The following FANCB variants were observed in gnomAD, a reference collection of about 807,000 sequenced individuals.
FANCB encodes the protein FA complementation group B, also known as Fanconi anemia group B protein.
A neutral mutation model predicts 38.9 loss-of-function variants in FANCB; 5 were observed. That is an observed-to-expected ratio of 0.13 (90% CI 0.07 to 0.27). FANCB has a LOEUF of 0.27. Among genes scored for constraint, FANCB ranks in the 10% least tolerant of loss-of-function variants. FANCB has a pLI of 1.00. For synonymous variants in FANCB, 236 were observed against 215.4 expected (o/e 1.10, Z -0.84); for missense variants, 573 against 602.7 (o/e 0.95, Z 0.52).
At chrX:14,851,022 T>C (rs1196886512) in intron 6 of FANCB, among the ~76,000 whole-genome samples, 6 of 111,603 alleles carry the variant, frequency 5.4e-5, no homozygotes, top group Admixed American at 3.8e-4. Context: ...CTGTATTTTA[T>C]CAGTGACTTG....
the FANCB span, among the ~76,000 whole-genome samples, chrX:14,783,643 C>T: frequency 2.7e-4 from 30 of 111,869 alleles, 1 homozygote; most frequent in South Asian, 9.7e-3. Flanking sequence ...GGGGATATTT[C>T]TGGGAACAGA....
the FANCB span, among the ~76,000 whole-genome samples, chrX:14,697,974 T>C: frequency 1.2e-4 from 13 of 111,892 alleles, no homozygotes; most frequent in Admixed American, 1.1e-3. Flanking sequence ...CTTGCCACTA[T>C]CAAAATTGTC....
the FANCB span, among the ~76,000 whole-genome samples, chrX:14,825,611 TTAACA>T: frequency 8.9e-6 from 1 of 112,407 alleles, no homozygotes; most frequent in African/African-American, 3.2e-5. Flanking sequence ...AACATATCAT[TTAACA>T]TATTATAATT....
the FANCB span, chrX:14,730,513 T>C: frequency 7.1e-6 from 8 of 1,122,359 alleles, no homozygotes; most frequent in Non-Finnish European, 9.7e-6. Context: ...TGGGACCTTC[T>C]TGCCTCAGTG....
chrX:14,733,142 C>A, the FANCB span, among the ~76,000 whole-genome samples: 1 of 111,965 alleles, frequency 8.9e-6, no homozygotes, highest in Non-Finnish European at 1.9e-5. Context: ...TTCCCCATTT[C>A]TTGTTTTTGG....
downstream of FANCB, chrX:14,835,113 A>G: frequency 1.8e-6 from 1 of 541,987 alleles, no homozygotes; most frequent in Non-Finnish European, 3.3e-6. Flanking sequence ...CTTTAATTGG[A>G]CTGCCTTTGT....
chrX:14,844,919 A>G lies in FANCB; in HGVS notation c.1864T>C (p.Leu622=). ...DRYVVCGRVF[L]SLEDLSTGKY... is the part of the protein sequence containing the mutation. ...CCAGTTGAAAGATCTTCTAGACTTAAAAAAACTCTGCCACACACAACATAA... is the reference window on the plus strand; with the variant it reads ...CCAGTTGAAAGATCTTCTAGACTTAGAAAAACTCTGCCACACACAACATAA... Residue 622 remains leucine, a synonymous_variant, in exon 8 of 10, where the codon TTA becomes CTA. Transcript: ENST00000650831. 1 of 1,200,122 alleles carries G rather than the reference A, an allele frequency of 8.3e-7. No individual in the cohort carries two copies. Among genetic ancestry groups the G allele is most frequent in the Non-Finnish European group, 1.1e-6 (1 of 891,039 alleles).
At chrX:14,736,268 G>A in the FANCB span, among the ~76,000 whole-genome samples, 3 of 110,009 alleles carry the variant, frequency 2.7e-5, no homozygotes, top group Non-Finnish European at 3.8e-5. Context: ...GGCATTCCAG[G>A]CACCACTGGG....
At chrX:14,778,225 C>T in the FANCB span, among the ~76,000 whole-genome samples, 9 of 111,716 alleles carry the variant, frequency 8.1e-5, no homozygotes, top group Admixed American at 8.5e-4. Flanking sequence ...TGATTCTCAA[C>T]AAAGAGTGAT....
chrX:14,720,959 C>T, the FANCB span, among the ~76,000 whole-genome samples: 3 of 108,894 alleles, frequency 2.8e-5, no homozygotes, highest in African/African-American at 1.0e-4. Context: ...TAGTGAGACC[C>T]CCACCTCTAC....
the FANCB span, among the ~76,000 whole-genome samples, chrX:14,781,031 A>G: frequency 9.1e-6 from 1 of 109,642 alleles, no homozygotes; most frequent in East Asian, 2.8e-4. Flanking sequence ...AAGGAAAGAA[A>G]GAGATATCAA....
chrX:14,717,473 G>A, the FANCB span, among the ~76,000 whole-genome samples: 2 of 110,699 alleles, frequency 1.8e-5, no homozygotes, highest in Non-Finnish European at 3.8e-5. Flanking sequence ...TATAGGACAC[G>A]GGCTCACTTT....
the FANCB span, among the ~76,000 whole-genome samples, chrX:14,717,796 T>A: frequency 9.1e-6 from 1 of 110,091 alleles, no homozygotes; most frequent in Admixed American, 9.8e-5. Context: ...AAGAATTTTT[T>A]GAGCACGCAT....
At chrX:14,856,834 C>T (rs2092425055) in intron 5 of FANCB, among the ~76,000 whole-genome samples, 1 of 111,519 alleles carries the variant, frequency 9.0e-6, no homozygotes, top group Non-Finnish European at 1.9e-5. Flanking sequence ...GAGATATAAT[C>T]AAATGCGAGT....
the FANCB span, among the ~76,000 whole-genome samples, chrX:14,789,698 C>G: frequency 9.0e-6 from 1 of 111,453 alleles, no homozygotes; most frequent in Admixed American, 9.6e-5. Context: ...TGCAAGATGA[C>G]TGCTTATTAT....
intron 7 of FANCB, 54 bp from the exon 8 acceptor site, chrX:14,845,340 A>G (rs780339875): frequency 5.5e-6 from 5 of 911,836 alleles, no homozygotes; most frequent in Non-Finnish European, 8.0e-6. Context: ...TTAAAATCAA[A>G]TTGATGATTA....
At chrX:14,739,509 TG>T in the FANCB span, among the ~76,000 whole-genome samples, 2 of 112,389 alleles carry the variant, frequency 1.8e-5, no homozygotes, top group Non-Finnish European at 3.8e-5. Flanking sequence ...CACTGATCCA[TG>T]CTCATGAATG....
downstream of FANCB, among the ~76,000 whole-genome samples, chrX:14,833,537 T>C (rs1350711466): frequency 8.9e-6 from 1 of 111,810 alleles, no homozygotes; most frequent in Non-Finnish European, 1.9e-5. Flanking sequence ...AGCACTAGCT[T>C]ACTACATTGT....
intron 7 of FANCB, among the ~76,000 whole-genome samples, chrX:14,846,351 G>T (rs997619169): frequency 9.0e-6 from 1 of 111,251 alleles, no homozygotes; most frequent in African/African-American, 3.3e-5. Flanking sequence ...TACTAAAAAG[G>T]CCCAGAAACA....
Sources: gnomAD v4.1 joint callset for allele counts (sites outside exome capture counted in the v4.1 genomes callset) on GRCh38, gnomAD v4.1.1 for gene constraint, MANE v1.5 for transcripts, NCBI Gene and HGNC (gene_info 2026-07-23, HGNC 2026-07-21) for gene names.